The following EXOC2 variants were observed in gnomAD, a reference collection of about 807,000 sequenced individuals.
The protein encoded by EXOC2 is exocyst complex component 2.
EXOC2 carries 70 observed loss-of-function variants against 131.8 expected under a neutral mutation model. The observed-to-expected ratio is 0.53, with a 90% CI of 0.44 to 0.65. EXOC2 has a LOEUF of 0.65. Among genes scored for constraint, EXOC2 ranks in the 30% least tolerant of loss-of-function variants. The pLI is 0.00. For missense variants in EXOC2, 923 were observed against 1,108.6 expected (o/e 0.83, Z 2.38); for synonymous variants, 411 against 398.4 (o/e 1.03, Z -0.38).
At chr6:565,675 G>A (rs1298944416) in intron 13 of EXOC2, among the ~76,000 whole-genome samples, 1 of 152,098 alleles carries the variant, frequency 6.6e-6, no homozygotes, top group Non-Finnish European at 1.5e-5. Context: ...ACACTTCATT[G>A]ACATAATGCA....
chr6:573,429 G>A (rs1448013236), intron 12 of EXOC2, among the ~76,000 whole-genome samples: 4 of 152,050 alleles, frequency 2.6e-5, no homozygotes, highest in East Asian at 3.9e-4. Context: ...ACTCCACTCG[G>A]TGGCCATGGC....
intron 1 of EXOC2, among the ~76,000 whole-genome samples, chr6:651,760 A>C (rs1465474698): frequency 6.6e-6 from 1 of 151,272 alleles, no homozygotes; most frequent in Non-Finnish European, 1.5e-5. Flanking sequence ...AAATGGCTTG[A>C]TTAAAAATCT....
At chr6:647,558 T>A (rs1265602957) in intron 1 of EXOC2, among the ~76,000 whole-genome samples, 1 of 137,150 alleles carries the variant, frequency 7.3e-6, no homozygotes, top group Admixed American at 8.3e-5. Context: ...GAGTCTAGTA[T>A]CCTCTTCCTT....
intron 8 of EXOC2, 26 bp downstream of exon 8, chr6:599,054 T>C (rs370489051): frequency 3.1e-6 from 5 of 1,589,274 alleles, no homozygotes; most frequent in Non-Finnish European, 4.3e-6. Context: ...TACAACCATA[T>C]GTAAATAAAT....
intron 1 of EXOC2, among the ~76,000 whole-genome samples, chr6:675,129 G>A (rs2127784274): frequency 6.6e-6 from 1 of 152,236 alleles, no homozygotes; most frequent in South Asian, 2.1e-4. Context: ...CCACCCTCTT[G>A]GAACTGTGAG....
In EXOC2 at chr6:556,494, C is replaced by A. The variant is rs1757425757; in HGVS notation, c.1922G>T (p.Gly641Val). ...AGCTGGAATACTTACACTGGCCTCT[C>A]CCGGCTTGCACTCCAGAACCCCCTT... ...SLKGVLECKPGEASVFQQPKT... is the reference protein window; with the variant it reads ...SLKGVLECKPVEASVFQQPKT... The change falls in exon 18 of 28, where the codon GGA (glycine) becomes GTA (valine). Residue 641 changes from glycine (G) to valine (V), a missense_variant. Gly to Val is a moderately radical substitution (Grantham distance 109). Coordinates refer to ENST00000230449, the MANE Select transcript of EXOC2 (RefSeq NM_018303.6). 6.2e-7 allele frequency: 1 copy of A among 1,613,906 alleles called. No individual in the cohort carries two copies. Among genetic ancestry groups the A allele is most frequent in the Non-Finnish European group, 8.5e-7 (1 of 1,179,938 alleles).
At chr6:638,650 T>C (rs1490081238) in intron 1 of EXOC2, among the ~76,000 whole-genome samples, 1 of 152,184 alleles carries the variant, frequency 6.6e-6, no homozygotes, top group Non-Finnish European at 1.5e-5. Context: ...TAATAAAAGT[T>C]TGCCGGGTGC....
In EXOC2 at chr6:532,554, C is replaced by A; in HGVS notation, c.2295G>T (p.Glu765Asp). 1 of 1,609,810 alleles carries A rather than the reference C, an allele frequency of 6.2e-7. No individual in the cohort carries two copies. The highest frequency in any genetic ancestry group is 8.5e-7 in the Non-Finnish European group (1 of 1,178,742). The stretch of plus-strand genomic sequence containing the variant: ...AGCCAACGATGGGATCTGCTTTCAA[C>A]TCGATGTAATTTTCAAAGAGTCTTT... ...LDQRLFENYI[E>D]LKADPIVGSL... The change falls in exon 23 of 28, where the codon GAG (glutamate) becomes GAT (aspartate). Residue 765 changes from glutamate (E) to aspartate (D), a missense_variant. Coordinates refer to ENST00000230449, the MANE Select transcript of EXOC2 (RefSeq NM_018303.6).
intron 1 of EXOC2, chr6:689,360 C>T (rs998429931): frequency 1.3e-5 from 2 of 152,174 alleles, no homozygotes; most frequent in African/African-American, 4.8e-5. Flanking sequence ...TAAAACTTTC[C>T]AGGAAAAACA....
intron 1 of EXOC2, among the ~76,000 whole-genome samples, chr6:648,086 T>C (rs1413826105): frequency 1.3e-5 from 2 of 152,200 alleles, no homozygotes; most frequent in East Asian, 3.9e-4. Context: ...AGACCTGTCA[T>C]TTAATTTACA....
chr6:549,409 G>T, intron 21 of EXOC2, 118 bp from the exon 22 acceptor site: 1 of 669,638 alleles, frequency 1.5e-6, no homozygotes, highest in Non-Finnish European at 2.5e-6. Flanking sequence ...CCAATGCTTT[G>T]CTTTTCTTGG....
intron 11 of EXOC2, among the ~76,000 whole-genome samples, chr6:578,652 G>C (rs1758720190): frequency 6.6e-6 from 1 of 152,054 alleles, no homozygotes; most frequent in Non-Finnish European, 1.5e-5. Context: ...AAGTTTTTTT[G>C]AAGACTTACT....
At chr6:675,595 C>A (rs575305287) in intron 1 of EXOC2, among the ~76,000 whole-genome samples, 1,377 of 20,034 alleles carry the variant, frequency 0.069, 42 homozygotes, top group Middle Eastern at 0.18. Context: ...CCTCCTCTGG[C>A]AACTGCGGTT....
chr6:615,724 GAAAAAA>G (rs199694152), intron 6 of EXOC2, among the ~76,000 whole-genome samples: 5 of 101,922 alleles, frequency 4.9e-5, no homozygotes, highest in African/African-American at 1.7e-4. Flanking sequence ...CATCTCAAAA[GAAAAAA>G]AAAAAAAAAG....
intron 26 of EXOC2, among the ~76,000 whole-genome samples, 197 bp downstream of exon 26, chr6:490,928 G>A (rs555393706): frequency 6.6e-6 from 1 of 152,150 alleles, no homozygotes; most frequent in African/African-American, 2.4e-5. Flanking sequence ...ACTAAGATTT[G>A]TCAGTAGTAA....
chr6:655,944 T>C (rs1227792326), intron 1 of EXOC2: 2 of 583,956 alleles, frequency 3.4e-6, no homozygotes, highest in Non-Finnish European at 6.0e-6. Flanking sequence ...CCAACTGTTT[T>C]ACCAATGCTT....
chr6:531,844 C>A (rs1047171244), intron 23 of EXOC2, among the ~76,000 whole-genome samples: 1 of 152,166 alleles, frequency 6.6e-6, no homozygotes, highest in Admixed American at 6.5e-5. Flanking sequence ...TTATTTCATA[C>A]AAAGAAACAA....
In EXOC2 at chr6:606,442, C is replaced by T. The variant is rs529492678; in HGVS notation, c.742+3656G>A. On this transcript the variant is annotated intron_variant, in intron 7 of 27. Coordinates refer to ENST00000230449, the MANE Select transcript of EXOC2 (RefSeq NM_018303.6). ...AATAAAAAAAAGAATCTCCACATCA[C>T]AAGAAAAAAAATAAAAAATAAAACA... 2.7e-5 allele frequency among the ~76,000 whole-genome samples: 4 copies of T among 150,202 alleles called. No homozygotes were observed. In the South Asian group the frequency reaches 8.4e-4, roughly 32 times the overall value.
chr6:619,396 A>G (rs1761170160), intron 5 of EXOC2, 34 bp downstream of exon 5: 1 of 1,527,618 alleles, frequency 6.5e-7, no homozygotes. Flanking sequence ...TCTGAGTGAA[A>G]CCCTTCACAG....
Sources: allele counts gnomAD v4.1 joint callset (sites outside exome capture counted in the v4.1 genomes callset), GRCh38; gene constraint gnomAD v4.1.1; transcripts MANE v1.5; gene names NCBI Gene and HGNC (gene_info 2026-07-23, HGNC 2026-07-21).